KAZN: variants seen among roughly 807,000 people sequenced by gnomAD.
KAZN encodes the protein kazrin.
Under a neutral mutation model 87.4 loss-of-function variants are expected in KAZN, and 40 were observed. The observed-to-expected ratio is 0.46, with a 90% confidence interval of 0.36 to 0.60. The LOEUF is 0.60. Among genes scored for constraint, KAZN ranks in the 20% least tolerant of loss-of-function variants. The probability of loss-of-function intolerance (pLI) is 0.00; values close to 1 mark genes in which losing one functional copy is unlikely to be tolerated. For missense variants in KAZN, 898 were observed against 1,073.9 expected (o/e 0.84, Z 2.29); for synonymous variants, 466 against 458.3 (o/e 1.02, Z -0.22).
chr1:14,525,668 G>A (rs886951458), intron 2 of KAZN, among the ~76,000 whole-genome samples: 2 of 149,650 alleles, frequency 1.3e-5, no homozygotes, highest in Non-Finnish European at 3.0e-5. Context: ...AATTTAGAAT[G>A]CATTTCCCAT....
chr1:14,224,594 A>C lies in KAZN; in HGVS notation c.249+44002A>C, dbSNP rs564164246. 5.3e-5 allele frequency among the ~76,000 whole-genome samples: 8 copies of C among 152,276 alleles called. No homozygotes were observed. The East Asian group carries it at 1.5e-3, about 29-fold the overall frequency. On this transcript the variant is annotated intron_variant, in intron 2 of 16. Transcript: ENST00000636203. ...AAGAGCCCATACAGGTTAGTACTAA[A>C]CTGGATGACCTAGTCAAGCCTCCTT...
At chr1:13,944,253 T>G (rs1338831763) in intron 1 of KAZN, among the ~76,000 whole-genome samples, 1 of 152,112 alleles carries the variant, frequency 6.6e-6, no homozygotes, top group East Asian at 1.9e-4. Flanking sequence ...GCACGCGACG[T>G]GAAAGAAGCC....
At chr1:14,487,821 G>A (rs539652542) in intron 2 of KAZN, among the ~76,000 whole-genome samples, 229 of 152,316 alleles carry the variant, frequency 1.5e-3, no homozygotes, top group African/African-American at 5.4e-3. Flanking sequence ...ATGCCATGGG[G>A]CAGAAGGTCA....
intron 2 of KAZN, among the ~76,000 whole-genome samples, chr1:14,444,354 C>G (rs950120093): frequency 6.9e-6 from 1 of 143,976 alleles, no homozygotes; most frequent in Non-Finnish European, 1.5e-5. Flanking sequence ...CTCTTGTCAC[C>G]CAGGCTGGAG....
intron 2 of KAZN, among the ~76,000 whole-genome samples, chr1:14,988,517 G>A (rs1207262756): frequency 6.6e-6 from 1 of 152,232 alleles, no homozygotes; most frequent in African/African-American, 2.4e-5. Flanking sequence ...GTGATGGCGT[G>A]CTGCCCTCAG....
chr1:14,403,374 C>A (rs1226758544), intron 2 of KAZN, among the ~76,000 whole-genome samples: 1 of 151,480 alleles, frequency 6.6e-6, no homozygotes, highest in Non-Finnish European at 1.5e-5. Context: ...GCCAAGAGTT[C>A]TTAGTAAAGA....
Position 14,418,319 on chromosome 1 carries a change from A to G in KAZN, c.250-180664A>G, listed in dbSNP as rs191791535. On this transcript the variant is annotated intron_variant, in intron 2 of 16. Transcript: ENST00000636203. ...TCTGAGTGTCCATTTCCTCCCCAGG[A>G]AAGTCTCAAGCCATGCCGGCTTGCT... 2.5e-3 allele frequency among the ~76,000 whole-genome samples: 386 copies of G among 152,282 alleles called. 4 individuals carry two copies. The highest frequency in any genetic ancestry group is 7.8e-4 in the Non-Finnish European group (53 of 68,018).
intron 2 of KAZN, among the ~76,000 whole-genome samples, chr1:14,267,928 T>C (rs1004462777): frequency 6.6e-6 from 1 of 152,126 alleles, no homozygotes; most frequent in Non-Finnish European, 1.5e-5. Flanking sequence ...CCACTGCACT[T>C]GGGCCTGGGT....
intron 2 of KAZN, among the ~76,000 whole-genome samples, chr1:14,492,685 CACACACCACACATACACAGCGCACAT>C (rs1213295592): frequency 0.33 from 90 of 270 alleles, 9 homozygotes; most frequent in East Asian, 0.67. Flanking sequence ...ACACACCACA[CACACACCACACATACACAGCGCACAT>C]ACACACACCA....
At chr1:14,619,913 C>T (rs1208106519) in intron 1 of KAZN, among the ~76,000 whole-genome samples, 1 of 152,206 alleles carries the variant, frequency 6.6e-6, no homozygotes, top group East Asian at 1.9e-4. Flanking sequence ...TGTGGCTATA[C>T]CACATGATAT....
chr1:14,214,817 T>C (rs677769), intron 2 of KAZN, among the ~76,000 whole-genome samples: 77,061 of 152,078 alleles, frequency 0.51, 21,061 homozygotes, highest in Non-Finnish European at 0.62. Flanking sequence ...GTGAGCACAA[T>C]TGCAAGTGCA....
rs916894447 is a variant in KAZN at position 14,137,559 on chromosome 1, T to C, written c.92-42876T>C. On this transcript the variant is annotated intron_variant, in intron 1 of 16. Transcript: ENST00000636203. ...TCCTTCGGCAAGTTGCTTAAACCTC[T>C]GTGGCTTGGTTTCCTCATCTGCAAA... 1.4e-4 allele frequency among the ~76,000 whole-genome samples: 21 copies of C among 152,196 alleles called. 1 individual carries two copies. Among genetic ancestry groups the C allele is most frequent in the Non-Finnish European group, 1.5e-5 (1 of 68,042 alleles).
intron 2 of KAZN, among the ~76,000 whole-genome samples, chr1:15,017,904 C>G (rs994023438): frequency 6.6e-6 from 1 of 152,154 alleles, no homozygotes; most frequent in African/African-American, 2.4e-5. Context: ...AGAGCAAAAA[C>G]TGGCTACTCC....
chr1:14,259,799 A>G (rs1395316803), intron 2 of KAZN, among the ~76,000 whole-genome samples: 2 of 152,198 alleles, frequency 1.3e-5, no homozygotes, highest in Non-Finnish European at 2.9e-5. Flanking sequence ...GGTTTTCTCA[A>G]TGACTTCATC....
intron 2 of KAZN, among the ~76,000 whole-genome samples, chr1:14,580,474 T>A (rs1455319684): frequency 8.5e-6 from 1 of 117,012 alleles, no homozygotes; most frequent in Non-Finnish European, 1.8e-5. Flanking sequence ...AAACTCTATC[T>A]CAAATAAATA....
chr1:14,478,447 G>C (rs1008555079), intron 2 of KAZN, among the ~76,000 whole-genome samples: 2 of 152,162 alleles, frequency 1.3e-5, no homozygotes, highest in African/African-American at 4.8e-5. Flanking sequence ...TTGGACACTT[G>C]AGACCCAATT....
At chr1:14,386,746 A>G (rs1443564176) in intron 2 of KAZN, among the ~76,000 whole-genome samples, 1 of 151,670 alleles carries the variant, frequency 6.6e-6, no homozygotes, top group African/African-American at 2.4e-5. Context: ...TGCCCTTAAC[A>G]TTTTTTCCTT....
At chr1:14,304,740 G>A in intron 2 of KAZN, 1 of 397,722 alleles carries the variant, frequency 2.5e-6, no homozygotes, top group Non-Finnish European at 4.4e-6. Context: ...AGTACATGTG[G>A]CATTACCACA....
intron 2 of KAZN, among the ~76,000 whole-genome samples, chr1:14,434,768 C>T (rs1666283019): frequency 6.6e-6 from 1 of 151,968 alleles, no homozygotes; most frequent in African/African-American, 2.4e-5. Flanking sequence ...ACCCTGCCTC[C>T]AACGCACCTC....
Sources: gnomAD v4.1 joint callset for allele counts (sites outside exome capture counted in the v4.1 genomes callset) on GRCh38, gnomAD v4.1.1 for gene constraint, MANE v1.5 for transcripts, NCBI Gene and HGNC (gene_info 2026-07-23, HGNC 2026-07-21) for gene names.